PLXNA2: variants seen among roughly 807,000 people sequenced by gnomAD.
PLXNA2 encodes plexin-A2.
Under a neutral mutation model 193.5 loss-of-function variants are expected in PLXNA2, and 91 were observed. The observed-to-expected ratio is 0.47, with a 90% CI of 0.40 to 0.56. PLXNA2 has a LOEUF of 0.56. Ranked by LOEUF, PLXNA2 falls within the 20% of genes least tolerant of loss-of-function variation. PLXNA2 has a pLI of 0.00. For synonymous variants in PLXNA2, 997 were observed against 1,027.3 expected (o/e 0.97, Z 0.56); for missense variants, 1,995 against 2,503.2 (o/e 0.80, Z 4.33).
rs974034585 is a variant in PLXNA2 at position 208,158,731 on chromosome 1, T to C, written c.1372-16268A>G. ...GGACAGAAAGATTAGGCAAACACTA[T>C]GCAGGAAGCTGCGCTGGGAAAACAG... On this transcript the variant is annotated intron_variant, in intron 3 of 31. Coordinates refer to ENST00000367033, the MANE Select transcript of PLXNA2 (RefSeq NM_025179.4). 3.9e-5 allele frequency among the ~76,000 whole-genome samples: 6 copies of C among 152,376 alleles called. No individual in the cohort carries two copies. In the South Asian group the frequency reaches 6.2e-4, roughly 16 times the overall value.
At chr1:208,146,039 G>A (rs1415328561) in intron 3 of PLXNA2, among the ~76,000 whole-genome samples, 2 of 152,192 alleles carry the variant, frequency 1.3e-5, no homozygotes, top group Non-Finnish European at 2.9e-5. Context: ...AGAGAAGATG[G>A]AGAGTAGGGG....
intron 3 of PLXNA2, among the ~76,000 whole-genome samples, chr1:208,146,423 T>C (rs1668601709): frequency 6.6e-6 from 1 of 152,180 alleles, no homozygotes; most frequent in African/African-American, 2.4e-5. Context: ...TTCCAATCCA[T>C]GGTGGAACTG....
intron 13 of PLXNA2, among the ~76,000 whole-genome samples, chr1:208,057,253 A>C (rs991622378): frequency 3.3e-5 from 5 of 152,246 alleles, no homozygotes; most frequent in Non-Finnish European, 2.9e-5. Context: ...ACTAAGGCTC[A>C]GGGATGCTAA....
chr1:208,135,545 T>C (rs935280561), intron 4 of PLXNA2, among the ~76,000 whole-genome samples: 16 of 152,312 alleles, frequency 1.1e-4, no homozygotes, highest in African/African-American at 3.8e-4. Context: ...AGGCATTTGA[T>C]AGACCTCAGG....
At chr1:208,167,709 A>G (rs1669355320) in intron 3 of PLXNA2, among the ~76,000 whole-genome samples, 1 of 152,214 alleles carries the variant, frequency 6.6e-6, no homozygotes, top group African/African-American at 2.4e-5. Flanking sequence ...CCCTAACGGG[A>G]GTGAGCAGCA....
Position 208,096,874 on chromosome 1 carries a change from C to A in PLXNA2, c.1741G>T (p.Val581Leu). 1.2e-6 allele frequency: 2 copies of A among 1,613,464 alleles called. No homozygotes were observed. The highest frequency in any genetic ancestry group is 1.7e-6 in the Non-Finnish European group (2 of 1,179,894). ...GATAGATCAGGAGCATCACTCACTA[C>A]CAGGCTAAGCTGTGGGAGGAGCAAA... The part of the protein sequence containing the change: ...VSEHSRLLSL[V>L]VSDAPDLSAG... The change falls in exon 7 of 32, where the codon GTA (valine) becomes TTA (leucine). Residue 581 changes from valine to leucine, a missense_variant. By Grantham distance (32) the Val-to-Leu change is conservative. Around this residue, in one of 3 missense-constraint regions of PLXNA2, gnomAD observed 702 missense variants for 812.9 expected, o/e 0.86. Coordinates refer to ENST00000367033, the MANE Select transcript of PLXNA2 (RefSeq NM_025179.4).
chr1:208,165,797 G>A (rs537583916), intron 3 of PLXNA2, among the ~76,000 whole-genome samples: 8 of 152,086 alleles, frequency 5.3e-5, no homozygotes, highest in Admixed American at 2.0e-4. Flanking sequence ...TCAAGCCTCC[G>A]GTGACTTCAT....
At chr1:208,077,914 G>A (rs1440516463) in intron 12 of PLXNA2, among the ~76,000 whole-genome samples, 2 of 152,116 alleles carry the variant, frequency 1.3e-5, no homozygotes, top group East Asian at 1.9e-4. Context: ...CTCTCCCACC[G>A]ACAGCCCTGC....
chr1:208,139,264 A>C (rs1668398179), intron 4 of PLXNA2, among the ~76,000 whole-genome samples: 2 of 152,156 alleles, frequency 1.3e-5, no homozygotes, highest in South Asian at 4.1e-4. Context: ...TGAGACTCTG[A>C]GAAGTTGAGG....
intron 9 of PLXNA2, among the ~76,000 whole-genome samples, chr1:208,085,124 G>C (rs1571899130): frequency 6.7e-6 from 1 of 150,182 alleles, no homozygotes; most frequent in South Asian, 2.1e-4. Context: ...ACCAGGCCCT[G>C]CGTGAATGCC....
intron 6 of PLXNA2, 102 bp downstream of exon 6, chr1:208,098,744 T>C: frequency 7.4e-7 from 1 of 1,356,916 alleles, no homozygotes; most frequent in Non-Finnish European, 1.0e-6. Flanking sequence ...GGATTTAAAG[T>C]CTGATCAATT....
chr1:208,224,752 C>A (rs556779202), intron 1 of PLXNA2, among the ~76,000 whole-genome samples: 5 of 152,230 alleles, frequency 3.3e-5, no homozygotes, highest in East Asian at 1.9e-4. Context: ...CCTGCATGTA[C>A]CCTTGGCAGC....
At position 208,060,699 on chromosome 1, in the gene PLXNA2, T is replaced by C; in HGVS notation, c.2725A>G (p.Ile909Val). Residue 909 changes from isoleucine to valine, a missense_variant, in exon 13 of 32, where the codon ATC becomes GTC. By Grantham distance (29) the Ile-to-Val change is conservative (BLOSUM62 3). This residue lies in a region of PLXNA2 where 1,291 missense variants were observed against 1,673.6 expected (regional missense o/e 0.77). Coordinates refer to ENST00000367033, the MANE Select transcript of PLXNA2 (RefSeq NM_025179.4). ...VPCTPLPGEYIIAEQIVCEMG... is the reference protein window; with the variant it reads ...VPCTPLPGEYVIAEQIVCEMG... Reference sequence around the variant, plus strand: ...GGGCGGACTCACTGCTCAGCGATGATGTATTCCCCTGGGAGGGGCGTGCAG... The same window carrying C: ...GGGCGGACTCACTGCTCAGCGATGACGTATTCCCCTGGGAGGGGCGTGCAG... 6.2e-7 allele frequency: 1 copy of C among 1,613,554 alleles called. No individual in the cohort carries two copies. Among genetic ancestry groups the C allele is most frequent in the Non-Finnish European group, 8.5e-7 (1 of 1,179,718 alleles).
intron 3 of PLXNA2, among the ~76,000 whole-genome samples, chr1:208,206,766 GTTTTTTT>G (rs896776741): frequency 2.1e-4 from 25 of 116,762 alleles, no homozygotes; most frequent in African/African-American, 7.9e-4. Flanking sequence ...GCACATATAG[GTTTTTTT>G]TTTTTTTTTT....
intron 4 of PLXNA2, among the ~76,000 whole-genome samples, chr1:208,112,590 A>G (rs1263645983): frequency 6.6e-6 from 1 of 152,154 alleles, no homozygotes; most frequent in Non-Finnish European, 1.5e-5. Context: ...GCTAGCATGG[A>G]AAAGCTGCAG....
intron 4 of PLXNA2, among the ~76,000 whole-genome samples, chr1:208,108,287 C>A (rs1009843713): frequency 6.6e-6 from 1 of 152,170 alleles, no homozygotes; most frequent in Admixed American, 6.5e-5. Flanking sequence ...CAGCCTCTTT[C>A]CTGAAGGTCT....
intron 2 of PLXNA2, among the ~76,000 whole-genome samples, chr1:208,213,112 G>A (rs1025969874): frequency 6.6e-6 from 1 of 151,918 alleles, no homozygotes; most frequent in Non-Finnish European, 1.5e-5. Flanking sequence ...CAAAAACCTG[G>A]TAATCCTAGA....
In PLXNA2 at chr1:208,086,948, A is replaced by ACTCTCTCTCTCTCTCTCT. The variant is rs59683728; in HGVS notation, c.2098-2386_2098-2369dup. Among the ~76,000 whole-genome samples, 258 of 134,674 alleles carry ACTCTCTCTCTCTCTCTCT rather than the reference A, an allele frequency of 1.9e-3. 3 individuals carry two copies. Among genetic ancestry groups the ACTCTCTCTCTCTCTCTCT allele is most frequent in the East Asian group, 6.4e-3 (27 of 4,222 alleles). The allele number at this position is 134,674 out of a possible 152,430, so 88.4% of individuals were successfully genotyped here. On this transcript the variant is annotated intron_variant, in intron 9 of 31. Coordinates refer to ENST00000367033, the MANE Select transcript of PLXNA2 (RefSeq NM_025179.4). ...GCTGGGGTATAATGGTCTCTCTCGCACTCTCTCTCTCTCTCTCTCTCTCTC... is the reference window on the plus strand; with the variant it reads ...GCTGGGGTATAATGGTCTCTCTCGCACTCTCTCTCTCTCTCTCTCTCTCTCTCTCTCTCTCTCTCTCTC...
At chr1:208,093,293 G>C (rs1015951262) in intron 8 of PLXNA2, among the ~76,000 whole-genome samples, 2 of 152,180 alleles carry the variant, frequency 1.3e-5, no homozygotes, top group Non-Finnish European at 2.9e-5. Flanking sequence ...CTGAATGCTG[G>C]TAGCTAAACA....
Sources: allele counts gnomAD v4.1 joint callset (sites outside exome capture counted in the v4.1 genomes callset), GRCh38; gene constraint gnomAD v4.1.1; regional missense constraint gnomAD v4.1.1; transcripts MANE v1.5; gene names NCBI Gene and HGNC (gene_info 2026-07-23, HGNC 2026-07-21).